The following TMEM243 variants were observed in gnomAD, a reference collection of about 807,000 sequenced individuals.
The protein encoded by TMEM243 is MDR1 and mitochondrial taxol resistance associated.
In TMEM243, 20 loss-of-function variants were observed where a neutral mutation model predicts 15.0. The ratio of observed to expected loss-of-function variants is 1.33; its 90% confidence interval spans 0.94 to 1.93. The LOEUF is 1.93. Among genes scored for constraint, TMEM243 ranks in the 30% most tolerant of loss-of-function variants. The probability of loss-of-function intolerance (pLI) is 0.00; values close to 1 mark genes in which losing one functional copy is unlikely to be tolerated. For missense variants in TMEM243, 156 were observed against 142.1 expected (o/e 1.10, Z -0.50); for synonymous variants, 72 against 52.7 (o/e 1.37, Z -1.59).
chr7:87,215,996 C>T (rs1226479825), intron 1 of TMEM243, among the ~76,000 whole-genome samples: 1 of 151,978 alleles, frequency 6.6e-6, no homozygotes, highest in East Asian at 1.9e-4. Context: ...AAGGGCCAGG[C>T]GTGGTGGCTC....
At chr7:87,206,834 G>A (rs139955173) in intron 1 of TMEM243, among the ~76,000 whole-genome samples, 118 of 152,300 alleles carry the variant, frequency 7.7e-4, no homozygotes, top group South Asian at 3.9e-3. Flanking sequence ...ATGAATGTTC[G>A]TTAAATGAAA....
chr7:87,197,833 T>G lies in TMEM243; in HGVS notation c.234+108A>C, dbSNP rs1365790025. On this transcript the variant is annotated intron_variant, in intron 3 of 3. Transcript: ENST00000257637. Reference sequence around the variant, plus strand: ...CATACTTTTAGGGGGAGGATGAGGATATAATTAAGAGATACCCTTTTGTAT... The same window carrying G: ...CATACTTTTAGGGGGAGGATGAGGAGATAATTAAGAGATACCCTTTTGTAT... 3 of 1,570,078 alleles carry G rather than the reference T, an allele frequency of 1.9e-6. No homozygotes were observed. In the African/African-American group the frequency reaches 4.1e-5, roughly 22 times the overall value.
intron 1 of TMEM243, among the ~76,000 whole-genome samples, chr7:87,215,227 C>T (rs183613784): frequency 3.9e-5 from 6 of 152,212 alleles, no homozygotes; most frequent in Non-Finnish European, 7.4e-5. Flanking sequence ...TTCAGTGGTG[C>T]GAGCCTGCAG....
intron 1 of TMEM243, among the ~76,000 whole-genome samples, chr7:87,207,925 CCT>C (rs1802347086): frequency 6.6e-6 from 1 of 152,118 alleles, no homozygotes; most frequent in Non-Finnish European, 1.5e-5. Flanking sequence ...AGCTCATGCC[CCT>C]GTGTACTCAG....
At position 87,219,657 on chromosome 7, in the gene TMEM243, G is replaced by C; in HGVS notation, c.-154C>G. 2 of 655,326 alleles carry C rather than the reference G, an allele frequency of 3.1e-6. No individual in the cohort carries two copies. Among genetic ancestry groups the C allele is most frequent in the South Asian group, 1.9e-5 (1 of 53,512 alleles). The allele number at this position is 655,326 out of a possible 1,614,324, so 40.6% of individuals were successfully genotyped here. A position where few individuals can be genotyped will look rare whatever the true frequency, so the allele number is the denominator to read the frequency against. ...GCGCTGGCGCCAGGGATGGGTGGGG[G>C]CTCACACGCGGGGAACGCGACTGCT... On this transcript the variant is annotated 5_prime_UTR_variant, in exon 1 of 4. Coordinates refer to ENST00000257637, the MANE Select transcript of TMEM243 (RefSeq NM_024315.4).
rs376909609 is a variant in TMEM243, at chr7:87,209,612, CAGAG to C, written c.78+9810_78+9813del. ...AGTGAGACAGTGAGAGAGAGAGAGA[CAGAG>C]AGAGAGACTGAGATAGAGAGCGAGA... On this transcript the variant is annotated intron_variant, in intron 1 of 3. Coordinates refer to ENST00000257637, the MANE Select transcript of TMEM243 (RefSeq NM_024315.4). 8.9e-3 allele frequency among the ~76,000 whole-genome samples: 1,008 copies of C among 113,704 alleles called. 19 individuals are homozygous for C. The highest frequency in any genetic ancestry group is 0.04 in the Middle Eastern group (7 of 174). 74.6% of individuals were successfully genotyped at this position (113,704 alleles called of 152,430 possible).
rs2129216268 is a variant in TMEM243 at position 87,196,765 on chromosome 7, G to A, written c.235-7C>T. 12 of 1,527,316 alleles carry A rather than the reference G, an allele frequency of 7.9e-6. No homozygotes were observed. Among genetic ancestry groups the A allele is most frequent in the South Asian group, 2.4e-5 (2 of 82,330 alleles). The allele number at this position is 1,527,316 out of a possible 1,614,324, so 94.6% of individuals were successfully genotyped here. Reference sequence around the variant, plus strand: ...CTTGTCGATACCAGTAGATCTAAAAGAAGAATTAAAGTTTATAAATTAAAA... The same window carrying A: ...CTTGTCGATACCAGTAGATCTAAAAAAAGAATTAAAGTTTATAAATTAAAA... On this transcript the variant is annotated splice_polypyrimidine_tract_variant and splice_region_variant and intron_variant, in intron 3 of 3. Coordinates refer to ENST00000257637, the MANE Select transcript of TMEM243 (RefSeq NM_024315.4).
chr7:87,214,161 TTC>T (rs1282661995), intron 1 of TMEM243, among the ~76,000 whole-genome samples: 4 of 152,268 alleles, frequency 2.6e-5, no homozygotes, highest in Middle Eastern at 3.4e-3. Flanking sequence ...GAGAAAACCA[TTC>T]TCTCCCTCTC....
intron 1 of TMEM243, among the ~76,000 whole-genome samples, chr7:87,218,965 C>G (rs1803297044): frequency 6.6e-6 from 1 of 152,166 alleles, no homozygotes; most frequent in African/African-American, 2.4e-5. Flanking sequence ...CCTCAAGCCT[C>G]TCCCCTTTCC....
intron 1 of TMEM243, among the ~76,000 whole-genome samples, chr7:87,209,106 C>T (rs931671826): frequency 3.9e-5 from 6 of 152,232 alleles, no homozygotes; most frequent in African/African-American, 9.6e-5. Context: ...CAGCTTTCCT[C>T]AGGTTCCCAG....
Position 87,209,849 on chromosome 7 carries a change from AGC to A in TMEM243, c.78+9575_78+9576del, listed in dbSNP as rs1452000618. Among the ~76,000 whole-genome samples, 299 of 139,182 alleles carry A rather than the reference AGC, an allele frequency of 2.1e-3. 15 individuals are homozygous for A. Among genetic ancestry groups the A allele is most frequent in the African/African-American group, 7.0e-3 (254 of 36,440 alleles). 91.3% of individuals were successfully genotyped at this position (139,182 alleles called of 152,430 possible). On this transcript the variant is annotated intron_variant, in intron 1 of 3. Transcript: ENST00000257637. ...GAGACAGTGAGAGAGAGACAGTGAG[AGC>A]GAGAGAGAGAGAGAGCAAGAGACAG...
chr7:87,219,702 C>G lies in TMEM243; in HGVS notation c.-199G>C. ...ACTGCTCCGCCCCGGCCCCGCGCACCTCCTCATCTTGAGCAGCTGCCGCAG... is the reference window on the plus strand; with the variant it reads ...ACTGCTCCGCCCCGGCCCCGCGCACGTCCTCATCTTGAGCAGCTGCCGCAG... On this transcript the variant is annotated 5_prime_UTR_variant, in exon 1 of 4. Coordinates refer to ENST00000257637, the MANE Select transcript of TMEM243 (RefSeq NM_024315.4). 1 of 590,552 alleles carries G rather than the reference C, an allele frequency of 1.7e-6. No individual in the cohort carries two copies. Among genetic ancestry groups the G allele is most frequent in the Non-Finnish European group, 3.0e-6 (1 of 332,798 alleles). 36.6% of individuals were successfully genotyped at this position (590,552 alleles called of 1,614,324 possible). A position where few individuals can be genotyped will look rare whatever the true frequency, so the allele number is the denominator to read the frequency against.
chr7:87,203,437 A>G (rs1801970078), intron 1 of TMEM243, among the ~76,000 whole-genome samples: 1 of 151,698 alleles, frequency 6.6e-6, no homozygotes, highest in South Asian at 2.1e-4. Flanking sequence ...AAATACTGAG[A>G]CCTTGTATCT....
At chr7:87,213,953 T>C (rs762261252) in intron 1 of TMEM243, among the ~76,000 whole-genome samples, 11 of 152,264 alleles carry the variant, frequency 7.2e-5, no homozygotes, top group Non-Finnish European at 1.5e-4. Context: ...TCATTGACTT[T>C]ATATATCACA....
At position 87,198,041 on chromosome 7, in the gene TMEM243, G is replaced by C; in HGVS notation, c.134C>G (p.Thr45Arg). The C allele has an allele frequency of 6.2e-7, 1 of 1,611,534 alleles. No individual in the cohort carries two copies. Among genetic ancestry groups the C allele is most frequent in the Non-Finnish European group, 8.5e-7 (1 of 1,178,482 alleles). The change falls in exon 3 of 4, where the codon ACG (threonine) becomes AGG (arginine). Residue 45 changes from threonine (T) to arginine (R), a missense_variant. Transcript: ENST00000257637. ...GSLTSLLILV[T>R]LISAFVFPQL... ...AGGGAAAACAAAAGCACTTATCAGC[G>C]TTACCTGTATGAAGAGAAATTATGT...
chr7:87,211,049 T>A (rs1416470743), intron 1 of TMEM243, among the ~76,000 whole-genome samples: 1 of 152,140 alleles, frequency 6.6e-6, no homozygotes, highest in Non-Finnish European at 1.5e-5. Context: ...CACAAAACCA[T>A]TTTTCCTTGA....
At chr7:87,199,301 G>C (rs1449070479) in intron 1 of TMEM243, 1 of 417,158 alleles carries the variant, frequency 2.4e-6, no homozygotes, top group East Asian at 3.9e-5. Flanking sequence ...CTAGAGTCTT[G>C]ATTGGGTAGT....
intron 1 of TMEM243, among the ~76,000 whole-genome samples, chr7:87,212,442 G>A (rs1359082749): frequency 3.3e-5 from 5 of 152,270 alleles, no homozygotes; most frequent in Middle Eastern, 3.4e-3. Flanking sequence ...TAAGAAAAAA[G>A]TGACTCAATT....
intron 1 of TMEM243, among the ~76,000 whole-genome samples, chr7:87,218,377 C>T (rs1803257662): frequency 6.6e-6 from 1 of 152,182 alleles, no homozygotes; most frequent in Non-Finnish European, 1.5e-5. Flanking sequence ...GTAAAATCCA[C>T]GTGGAGTTTA....
Sources: gnomAD v4.1 joint callset for allele counts (sites outside exome capture counted in the v4.1 genomes callset) on GRCh38, gnomAD v4.1.1 for gene constraint, MANE v1.5 for transcripts, NCBI Gene and HGNC (gene_info 2026-07-23, HGNC 2026-07-21) for gene names.